ARHGAP24: variants seen among roughly 807,000 people sequenced by gnomAD.
The protein encoded by ARHGAP24 is rho GTPase-activating protein 24.
ARHGAP24 carries 50 observed loss-of-function variants against 76.4 expected under a neutral mutation model. That is an observed-to-expected ratio of 0.65 (90% confidence interval 0.52 to 0.83). The LOEUF is 0.83. Ranked by LOEUF, ARHGAP24 falls within the 40% of genes least tolerant of loss-of-function variation. ARHGAP24 has a pLI of 0.00. For missense variants in ARHGAP24, 930 were observed against 914.2 expected (o/e 1.02, Z -0.22); for synonymous variants, 345 against 323.3 (o/e 1.07, Z -0.72).
intron 2 of ARHGAP24, among the ~76,000 whole-genome samples, chr4:85,625,049 G>A (rs1055547654): frequency 6.6e-6 from 1 of 152,106 alleles, no homozygotes; most frequent in African/African-American, 2.4e-5. Flanking sequence ...ATTTTTTGAA[G>A]GGTTTTTTGT....
intron 3 of ARHGAP24, among the ~76,000 whole-genome samples, chr4:85,871,308 C>G (rs1406597219): frequency 6.6e-6 from 1 of 152,070 alleles, no homozygotes; most frequent in African/African-American, 2.4e-5. Context: ...AATTTCACAA[C>G]AAATTAATAA....
intron 3 of ARHGAP24, among the ~76,000 whole-genome samples, chr4:85,836,970 CA>C (rs1007255670): frequency 2.0e-5 from 3 of 149,184 alleles, no homozygotes; most frequent in African/African-American, 7.8e-5. Context: ...TCTCAAATGC[CA>C]AAAAGGAGGG....
chr4:85,982,831 A>G (rs541040609), intron 8 of ARHGAP24, among the ~76,000 whole-genome samples: 87 of 152,276 alleles, frequency 5.7e-4, no homozygotes, highest in African/African-American at 2.1e-3. Flanking sequence ...ATAGGTAAAC[A>G]TGTGCCATGG....
At chr4:85,583,223 T>G (rs72979948) in intron 2 of ARHGAP24, among the ~76,000 whole-genome samples, 1 of 152,164 alleles carries the variant, frequency 6.6e-6, no homozygotes, top group East Asian at 1.9e-4. Flanking sequence ...TTAAAGATGG[T>G]TTAGCTAATA....
At chr4:85,685,620 G>A (rs1438212062) in intron 2 of ARHGAP24, among the ~76,000 whole-genome samples, 1 of 125,612 alleles carries the variant, frequency 8.0e-6, no homozygotes, top group African/African-American at 4.2e-5. Flanking sequence ...GCGACAGAGC[G>A]AGACTCTGTC....
At chr4:85,597,447 G>T (rs1231596704) in intron 2 of ARHGAP24, among the ~76,000 whole-genome samples, 1 of 152,010 alleles carries the variant, frequency 6.6e-6, no homozygotes, top group Non-Finnish European at 1.5e-5. Context: ...GATGGGGAAG[G>T]AGGGTAGGAA....
chr4:85,939,503 G>A (rs1002442262), intron 4 of ARHGAP24, among the ~76,000 whole-genome samples: 1 of 152,088 alleles, frequency 6.6e-6, no homozygotes, highest in Non-Finnish European at 1.5e-5. Flanking sequence ...GTTACTTTAT[G>A]TGTTTCTTAT....
intron 5 of ARHGAP24, among the ~76,000 whole-genome samples, chr4:85,953,946 C>T (rs1737765305): frequency 1.3e-5 from 2 of 152,160 alleles, no homozygotes; most frequent in African/African-American, 4.8e-5. Context: ...ACAGAGATCA[C>T]TCTGACTGAG....
intron 3 of ARHGAP24, among the ~76,000 whole-genome samples, chr4:85,876,721 A>G (rs1262765854): frequency 6.6e-6 from 1 of 152,206 alleles, no homozygotes; most frequent in East Asian, 1.9e-4. Flanking sequence ...AGCCTCTCTG[A>G]TGGGCACATA....
chr4:85,876,632 A>G (rs1312338725), intron 3 of ARHGAP24, among the ~76,000 whole-genome samples: 1 of 152,224 alleles, frequency 6.6e-6, no homozygotes, highest in South Asian at 2.1e-4. Context: ...CATTAATAAT[A>G]TTAGATATCT....
At chr4:85,855,457 A>G (rs554420775) in intron 3 of ARHGAP24, among the ~76,000 whole-genome samples, 1 of 152,334 alleles carries the variant, frequency 6.6e-6, no homozygotes, top group South Asian at 2.1e-4. Flanking sequence ...CTGTAATCCC[A>G]GTACTTAGGG....
chr4:85,873,183 A>G (rs942456932), intron 3 of ARHGAP24, among the ~76,000 whole-genome samples: 1 of 152,108 alleles, frequency 6.6e-6, no homozygotes, highest in African/African-American at 2.4e-5. Flanking sequence ...TGGCCCAGCT[A>G]CTTGCTAGCT....
At chr4:85,576,291 A>T (rs773467078) in intron 2 of ARHGAP24, among the ~76,000 whole-genome samples, 3 of 152,136 alleles carry the variant, frequency 2.0e-5, no homozygotes, top group African/African-American at 4.8e-5. Context: ...TTAGCCGGGC[A>T]TGGTGGCGGG....
chr4:85,494,685 A>T (rs1032690632), intron 1 of ARHGAP24, among the ~76,000 whole-genome samples: 6 of 151,902 alleles, frequency 3.9e-5, no homozygotes, highest in Admixed American at 1.3e-4. Context: ...GTCTCAAAAA[A>T]AAAAATAAAA....
intron 3 of ARHGAP24, among the ~76,000 whole-genome samples, chr4:85,842,532 A>C (rs867974493): frequency 9.2e-5 from 14 of 152,228 alleles, no homozygotes; most frequent in African/African-American, 2.9e-4. Flanking sequence ...ACATTACAAA[A>C]GTGCCACTTT....
At chr4:85,926,306 A>G (rs1276919845) in intron 4 of ARHGAP24, among the ~76,000 whole-genome samples, 2 of 152,238 alleles carry the variant, frequency 1.3e-5, no homozygotes, top group Non-Finnish European at 2.9e-5. Flanking sequence ...TATAGCACTC[A>G]TAATAGAAAC....
At chr4:85,769,693 T>C (rs2110078036) in intron 3 of ARHGAP24, among the ~76,000 whole-genome samples, 1 of 152,116 alleles carries the variant, frequency 6.6e-6, no homozygotes, top group Admixed American at 6.6e-5. Flanking sequence ...GGGCAAGCGA[T>C]TCTCCTGCCT....
At chr4:85,626,864 G>A (rs938342909) in intron 2 of ARHGAP24, among the ~76,000 whole-genome samples, 11 of 152,044 alleles carry the variant, frequency 7.2e-5, no homozygotes, top group South Asian at 4.2e-4. Flanking sequence ...CTAGTTGATC[G>A]CATCGGCTAC....
intron 2 of ARHGAP24, among the ~76,000 whole-genome samples, chr4:85,700,408 T>A (rs146940152): frequency 0.07 from 1,706 of 24,246 alleles, 91 homozygotes; most frequent in Middle Eastern, 0.091. Context: ...AAAAAAAAAA[T>A]AAATAAATAA....
Sources: allele counts gnomAD v4.1 joint callset (sites outside exome capture counted in the v4.1 genomes callset), GRCh38; gene constraint gnomAD v4.1.1; transcripts MANE v1.5; gene names NCBI Gene and HGNC (gene_info 2026-07-23, HGNC 2026-07-21).